Variants in MARCHF6 observed in about 807,000 individuals in gnomAD.
The protein encoded by MARCHF6 is membrane associated ring-CH-type finger 6.
In MARCHF6, 31 loss-of-function variants were observed where a neutral mutation model predicts 133.7. The observed-to-expected ratio is 0.23, with a 90% confidence interval of 0.17 to 0.31. The LOEUF is 0.31. Among genes scored for constraint, MARCHF6 ranks in the 10% least tolerant of loss-of-function variants. The pLI is 1.00. For missense variants in MARCHF6, 723 were observed against 1,121.6 expected (o/e 0.64, Z 5.08); for synonymous variants, 395 against 402.5 (o/e 0.98, Z 0.22).
chr5:10,433,528 A>G lies in MARCHF6; in HGVS notation c.2643-66A>G, dbSNP rs1740468982. The G allele has an allele frequency of 2.5e-6, 3 of 1,221,276 alleles. No homozygotes were observed. In the East Asian group the frequency reaches 7.0e-5, roughly 28 times the overall value. The allele number at this position is 1,221,276 out of a possible 1,614,324, so 75.7% of individuals were successfully genotyped here. A position where few individuals can be genotyped will look rare whatever the true frequency, so the allele number is the denominator to read the frequency against. On this transcript the variant is annotated intron_variant, in intron 25 of 25. Transcript: ENST00000274140. Reference sequence around the variant, plus strand: ...TTTTAAGTAGGAGTTAGATTTAAAAAGACATATGAATGTTTTACTCTGTAC... The same window carrying G: ...TTTTAAGTAGGAGTTAGATTTAAAAGGACATATGAATGTTTTACTCTGTAC...
chr5:10,371,996 G>A (rs561150198), intron 1 of MARCHF6, among the ~76,000 whole-genome samples: 2 of 151,510 alleles, frequency 1.3e-5, no homozygotes, highest in Admixed American at 1.3e-4. Flanking sequence ...GTGGTGGTGT[G>A]CTCCTGTAAT....
At chr5:10,364,975 G>C (rs958510317) in intron 1 of MARCHF6, among the ~76,000 whole-genome samples, 5 of 151,892 alleles carry the variant, frequency 3.3e-5, no homozygotes, top group African/African-American at 1.2e-4. Context: ...GGCTAATTTT[G>C]TATTTTTAGT....
intron 22 of MARCHF6, among the ~76,000 whole-genome samples, chr5:10,419,162 CT>C (rs1165206338): frequency 6.6e-6 from 1 of 152,080 alleles, no homozygotes; most frequent in Admixed American, 6.5e-5. Context: ...GACTTTTTAA[CT>C]TTTTGATGGT....
rs1738568730 is a variant in MARCHF6 at position 10,402,041 on chromosome 5, CT to C, written c.973-12del. ...ATGTTGTAAAATTAAATTTTATTTA[CT>C]TTTTTCTTATTTCCAGGTCCAAGCA... is the stretch of plus-strand genomic sequence containing the variant. On this transcript the variant is annotated splice_polypyrimidine_tract_variant and intron_variant, in intron 11 of 25. Coordinates refer to ENST00000274140, the MANE Select transcript of MARCHF6 (RefSeq NM_005885.4). 1.3e-6 allele frequency: 2 copies of C among 1,504,900 alleles called. No homozygotes were observed. The highest frequency in any genetic ancestry group is 1.4e-5 in the African/African-American group (1 of 72,728). The allele number at this position is 1,504,900 out of a possible 1,614,324, so 93.2% of individuals were successfully genotyped here.
At chr5:10,416,145 A>G (rs1169307717) in intron 21 of MARCHF6, among the ~76,000 whole-genome samples, 1 of 152,200 alleles carries the variant, frequency 6.6e-6, no homozygotes, top group Non-Finnish European at 1.5e-5. Flanking sequence ...TTGTAACATT[A>G]TTGCTCTCAG....
Position 10,405,549 on chromosome 5 carries a change from T to A in MARCHF6, c.1333-9T>A, listed in dbSNP as rs1490704357. Reference sequence around the variant, plus strand: ...GTGAATATTCATAGTATTTAAAATATATTTGCAGGTACTTCGACCTGGTGT... The same window carrying A: ...GTGAATATTCATAGTATTTAAAATAAATTTGCAGGTACTTCGACCTGGTGT... On this transcript the variant is annotated splice_polypyrimidine_tract_variant and intron_variant, in intron 15 of 25. Coordinates refer to ENST00000274140, the MANE Select transcript of MARCHF6 (RefSeq NM_005885.4). 2 of 1,587,860 alleles carry A rather than the reference T, an allele frequency of 1.3e-6. No homozygotes were observed. Among genetic ancestry groups the A allele is most frequent in the Non-Finnish European group, 1.7e-6 (2 of 1,171,694 alleles).
Position 10,430,539 on chromosome 5 carries a change from C to T in MARCHF6, c.2642+511C>T, listed in dbSNP as rs555917499. Among the ~76,000 whole-genome samples the T allele has an allele frequency of 1.1e-4, 17 of 152,140 alleles. No homozygotes were observed. The East Asian group carries it at 3.3e-3, about 29-fold the overall frequency. Reference sequence around the variant, plus strand: ...TAGGATTGTGTCGATCTCCTAACCTCGTGATCCACCTGCCTTGGCCTCCCA... The same window carrying T: ...TAGGATTGTGTCGATCTCCTAACCTTGTGATCCACCTGCCTTGGCCTCCCA... On this transcript the variant is annotated intron_variant, in intron 25 of 25. Coordinates refer to ENST00000274140, the MANE Select transcript of MARCHF6 (RefSeq NM_005885.4).
At chr5:10,405,796 T>C (rs1264753617) in intron 16 of MARCHF6, 119 bp downstream of exon 16, 1 of 810,318 alleles carries the variant, frequency 1.2e-6, no homozygotes, top group Non-Finnish European at 1.8e-6. Flanking sequence ...ATAATATATT[T>C]ATCTAAGCCT....
Position 10,402,354 on chromosome 5 carries a change from A to G in MARCHF6, c.1054-30A>G, listed in dbSNP as rs187295334. Reference sequence around the variant, plus strand: ...TACCTGTTTCATTGTACCTTTAAATACTCAGTTTTTCCTTGACCTGATGCT... The same window carrying G: ...TACCTGTTTCATTGTACCTTTAAATGCTCAGTTTTTCCTTGACCTGATGCT... On this transcript the variant is annotated intron_variant, in intron 12 of 25. Coordinates refer to ENST00000274140, the MANE Select transcript of MARCHF6 (RefSeq NM_005885.4). The G allele has an allele frequency of 1.7e-5, 27 of 1,584,762 alleles. No homozygotes were observed. The East Asian group carries it at 6.0e-4, about 35-fold the overall frequency.
intron 25 of MARCHF6, among the ~76,000 whole-genome samples, 171 bp downstream of exon 25, chr5:10,430,199 G>A (rs567567163): frequency 5.3e-5 from 8 of 151,890 alleles, no homozygotes; most frequent in Non-Finnish European, 1.2e-4. Flanking sequence ...GTGGAATCAA[G>A]GACTTAGTTG....
At chr5:10,429,782 G>A (rs1740277342) in intron 24 of MARCHF6, 111 bp from the exon 25 acceptor site, 1 of 822,172 alleles carries the variant, frequency 1.2e-6, no homozygotes, top group South Asian at 1.7e-5. Context: ...CAGACCTGGG[G>A]CTTAGAAAGC....
chr5:10,368,129 G>C (rs1449202644), intron 1 of MARCHF6, among the ~76,000 whole-genome samples: 1 of 152,078 alleles, frequency 6.6e-6, no homozygotes, highest in Admixed American at 6.6e-5. Context: ...TTGTAGCCTT[G>C]GCCTTGTTAC....
intron 3 of MARCHF6, 93 bp downstream of exon 3, chr5:10,378,925 T>A (rs2126695384): frequency 1.4e-6 from 1 of 729,110 alleles, no homozygotes; most frequent in Non-Finnish European, 2.3e-6. Flanking sequence ...GGAAGGGGGA[T>A]AAAAGTGCTT....
rs748387311 is a variant in MARCHF6, at chr5:10,407,129, A to T, written c.1480A>T (p.Met494Leu). 6.2e-6 allele frequency: 10 copies of T among 1,613,000 alleles called. No individual in the cohort carries two copies. The Admixed American group carries it at 1.0e-4, about 16-fold the overall frequency. Residue 494 changes from methionine to leucine, a missense_variant, in exon 17 of 26, where the codon ATG becomes TTG. Coordinates refer to ENST00000274140, the MANE Select transcript of MARCHF6 (RefSeq NM_005885.4). ...TGTCTTTGGCTCCATTGTCCTCCTGATGCTTTGGCTTCCTATACGTATAAT... is the reference window on the plus strand; with the variant it reads ...TGTCTTTGGCTCCATTGTCCTCCTGTTGCTTTGGCTTCCTATACGTATAAT... Reference protein sequence around the residue: ...VIVFGSIVLLMLWLPIRIIKS... With the variant: ...VIVFGSIVLLLLWLPIRIIKS...
rs117718630 is a variant in MARCHF6, at chr5:10,357,331, G to A, written c.19+3414G>A. Among the ~76,000 whole-genome samples the A allele has an allele frequency of 1.3e-3, 198 of 149,562 alleles. 1 individual carries two copies. The East Asian group carries it at 0.026, about 20-fold the overall frequency. On this transcript the variant is annotated intron_variant, in intron 1 of 25. Coordinates refer to ENST00000274140, the MANE Select transcript of MARCHF6 (RefSeq NM_005885.4). ...TTTTGTCATAGAATGCCCACATTTCGGCTCAGTGATATAAAGCTGAGGTTT... is the reference window on the plus strand; with the variant it reads ...TTTTGTCATAGAATGCCCACATTTCAGCTCAGTGATATAAAGCTGAGGTTT...
At chr5:10,413,110 G>T (rs963352562) in intron 19 of MARCHF6, among the ~76,000 whole-genome samples, 16 of 152,306 alleles carry the variant, frequency 1.1e-4, no homozygotes, top group African/African-American at 3.8e-4. Context: ...CCCTTGAGGG[G>T]CATATCTCTG....
At chr5:10,420,456 A>G (rs775990311) in intron 22 of MARCHF6, among the ~76,000 whole-genome samples, 2 of 152,224 alleles carry the variant, frequency 1.3e-5, no homozygotes, top group East Asian at 1.9e-4. Context: ...CAGGCTGACA[A>G]TACCCTAACC....
At chr5:10,420,952 A>G (rs962664822) in intron 22 of MARCHF6, among the ~76,000 whole-genome samples, 3 of 152,218 alleles carry the variant, frequency 2.0e-5, no homozygotes, top group African/African-American at 7.2e-5. Flanking sequence ...AATCCCTAAC[A>G]TAAGCTGAAA....
intron 5 of MARCHF6, 73 bp downstream of exon 5, chr5:10,387,139 TTATTA>T (rs1477973424): frequency 1.0e-5 from 11 of 1,088,972 alleles, no homozygotes; most frequent in Non-Finnish European, 1.3e-5. Context: ...CATATTTATT[TTATTA>T]TAATTTGTAA....
Sources: gnomAD v4.1 joint callset for allele counts (sites outside exome capture counted in the v4.1 genomes callset) on GRCh38, gnomAD v4.1.1 for gene constraint, MANE v1.5 for transcripts, NCBI Gene and HGNC (gene_info 2026-07-23, HGNC 2026-07-21) for gene names.